Variants in CLU observed in about 807,000 individuals in gnomAD.
CLU encodes clusterin.
A neutral mutation model predicts 46.4 loss-of-function variants in CLU; 25 were observed. The ratio of observed to expected loss-of-function variants is 0.54; its 90% confidence interval spans 0.39 to 0.75. The LOEUF (loss-of-function observed/expected upper bound fraction) is 0.75. Among genes scored for constraint, CLU ranks in the 30% least tolerant of loss-of-function variants. The probability of loss-of-function intolerance (pLI) is 0.00; values close to 1 mark genes in which losing one functional copy is unlikely to be tolerated. For missense variants in CLU, 504 were observed against 592.1 expected (o/e 0.85, Z 1.54); for synonymous variants, 235 against 235.1 (o/e 1.00, Z 0.00).
chr8:27,607,581 T>A (rs1377496532), intron 3 of CLU, among the ~76,000 whole-genome samples: 4 of 152,058 alleles, frequency 2.6e-5, no homozygotes, highest in Non-Finnish European at 5.9e-5. Context: ...ATGTTAAAAA[T>A]TCATAATTTT....
At position 27,606,423 on chromosome 8, in the gene CLU, G is replaced by A; in HGVS notation, c.348C>T (p.Cys116=). Residue 116 remains cysteine, a synonymous_variant, in exon 4 of 9, where the codon TGC becomes TGT. Transcript: ENST00000316403. ...AGAACTTCATGCAGGTCTGTTTCAG[G>A]CAGGGCTTACACTCTTCCCAGAGGG... ...MMALWEECKP[C]LKQTCMKFYA... The A allele has an allele frequency of 1.2e-6, 2 of 1,614,234 alleles. No individual in the cohort carries two copies. Among genetic ancestry groups the A allele is most frequent in the South Asian group, 1.1e-5 (1 of 91,088 alleles).
chr8:27,611,972 A>G (rs967030764), intron 1 of CLU: 4 of 358,980 alleles, frequency 1.1e-5, no homozygotes, highest in African/African-American at 4.3e-5. Context: ...GAAAGCAACA[A>G]CTTCTGGAAA....
At chr8:27,598,675 T>C (rs1429446311) in intron 7 of CLU, 40 bp from the exon 8 acceptor site, 3 of 1,593,194 alleles carry the variant, frequency 1.9e-6, no homozygotes, top group Non-Finnish European at 2.6e-6. Flanking sequence ...TGAAACACTG[T>C]GGTCAAAATG....
intron 3 of CLU, chr8:27,608,664 T>C (rs1532277): frequency 0.65 from 368,555 of 564,874 alleles, 122,713 homozygotes; most frequent in African/African-American, 0.89. Flanking sequence ...GGAACTAGCA[T>C]GTGATCAGGG....
Position 27,610,528 on chromosome 8 carries a change from C to A in CLU, c.44G>T (p.Trp15Leu), listed in dbSNP as rs150750334. 4 of 1,614,138 alleles carry A rather than the reference C, an allele frequency of 2.5e-6. No individual in the cohort carries two copies. The African/African-American group carries it at 5.3e-5, about 22-fold the overall frequency. Residue 15 changes from tryptophan to leucine, a missense_variant, in exon 2 of 9, where the codon TGG becomes TTG. Around this residue, in one of 3 missense-constraint regions of CLU, gnomAD observed 73 missense variants for 91.2 expected, o/e 0.80. Transcript: ENST00000316403. ...GTCCCCCAGGACCTGCCCACTCTCCCAGGTCAGCAGCAGCCCCACAAACAG... is the reference window on the plus strand; with the variant it reads ...GTCCCCCAGGACCTGCCCACTCTCCAAGGTCAGCAGCAGCCCCACAAACAG... ...LLLFVGLLLT[W>L]ESGQVLGDQT...
At chr8:27,606,302 C>G in intron 4 of CLU, 52 bp downstream of exon 4, 26 of 1,593,206 alleles carry the variant, frequency 1.6e-5, no homozygotes, top group Non-Finnish European at 2.0e-5. Flanking sequence ...TTTCACTAGG[C>G]TCCCCTCCTT....
At chr8:27,611,031 G>A in intron 1 of CLU, 2 of 375,546 alleles carry the variant, frequency 5.3e-6, no homozygotes, top group Non-Finnish European at 1.1e-5. Context: ...CCTCCACAGA[G>A]GGACTGCATC....
chr8:27,599,762 G>A lies in CLU; in HGVS notation c.1164+18C>T. The stretch of plus-strand genomic sequence containing the variant: ...CTCGGGCTCCCGAGCCACAGCATGT[G>A]GCCGGGACACAGCTCACCGTGGTGA... On this transcript the variant is annotated intron_variant, in intron 7 of 8. Transcript: ENST00000316403. The surrounding 1 kb of genome is among the most constrained non-coding windows in gnomAD (Gnocchi z 4.0). The A allele has an allele frequency of 1.3e-6, 2 of 1,585,198 alleles. No homozygotes were observed. The highest frequency in any genetic ancestry group is 1.1e-5 in the South Asian group (1 of 88,540).
At chr8:27,608,848 T>C (rs1800869584) in intron 3 of CLU, 90 bp downstream of exon 3, 1 of 1,436,062 alleles carries the variant, frequency 7.0e-7, no homozygotes, top group Non-Finnish European at 9.8e-7. Context: ...CGGGTCACCA[T>C]GGCAACCCAG....
chr8:27,604,491 C>G (rs28541694), intron 5 of CLU, 96 bp from the exon 6 acceptor site: 241,565 of 1,033,606 alleles, frequency 0.23, 30,556 homozygotes, highest in Non-Finnish European at 0.27. Context: ...TTTTAATTTA[C>G]AGACAGGGTC....
At chr8:27,598,350 G>A (rs534510358) in intron 8 of CLU, 100 bp from the exon 9 acceptor site, 34 of 1,592,834 alleles carry the variant, frequency 2.1e-5, no homozygotes, top group African/African-American at 6.7e-5. Context: ...CTCTGGCTCC[G>A]GGCGGAGTCG....
rs1563385786 is a variant in CLU at position 27,604,380 on chromosome 8, CGGTCATCGTCGCCTTCTGGGGACACACG to C, written c.830-13_844del. On this transcript the variant is annotated splice_acceptor_variant and splice_polypyrimidine_tract_variant and coding_sequence_variant and intron_variant, in exon 6 of 9. Coordinates refer to ENST00000316403, the MANE Select transcript of CLU (RefSeq NM_001831.4). LOFTEE classifies it high-confidence loss of function. ...GTGGCGGATCTCCCGGCACACAGTCCGGTCATCGTCGCCTTCTGGGGACACACGAGGGAAGAAGAGTCAGTCATCCAGC... is the reference window on the plus strand; with the variant it reads ...GTGGCGGATCTCCCGGCACACAGTCCAGGGAAGAAGAGTCAGTCATCCAGC... 1 of 1,614,170 alleles carries C rather than the reference CGGTCATCGTCGCCTTCTGGGGACACACG, an allele frequency of 6.2e-7. No individual in the cohort carries two copies. Among genetic ancestry groups the C allele is most frequent in the East Asian group, 2.2e-5 (1 of 44,888 alleles).
At chr8:27,608,669 TC>T in intron 3 of CLU, 1 of 573,578 alleles carries the variant, frequency 1.7e-6, no homozygotes. Flanking sequence ...TAGCATGTGA[TC>T]AGGGCTTAGA....
intron 5 of CLU, 148 bp from the exon 6 acceptor site, chr8:27,604,543 G>A (rs543584549): frequency 5.3e-6 from 4 of 753,590 alleles, no homozygotes; most frequent in Admixed American, 4.1e-5. Flanking sequence ...TGCAATCATA[G>A]CTCACTGCAG....
intron 6 of CLU, among the ~76,000 whole-genome samples, chr8:27,603,959 C>T (rs1043148486): frequency 6.6e-6 from 1 of 152,208 alleles, no homozygotes; most frequent in African/African-American, 2.4e-5. Flanking sequence ...GCGCTTGGCG[C>T]TTGGGAACAG....
Position 27,599,770 on chromosome 8 carries a change from C to G in CLU, c.1164+10G>C. 6.3e-7 allele frequency: 1 copy of G among 1,597,104 alleles called. No individual in the cohort carries two copies. Among genetic ancestry groups the G allele is most frequent in the East Asian group, 2.3e-5 (1 of 44,124 alleles). ...CCCGAGCCACAGCATGTGGCCGGGA[C>G]ACAGCTCACCGTGGTGACCCGCAGA... On this transcript the variant is annotated intron_variant, in intron 7 of 8. Coordinates refer to ENST00000316403, the MANE Select transcript of CLU (RefSeq NM_001831.4). This position sits in a 1 kb window ranked among gnomAD's most constrained non-coding sequence, Gnocchi z 4.0.
chr8:27,607,649 G>A (rs1563387623), intron 3 of CLU, among the ~76,000 whole-genome samples: 1 of 151,676 alleles, frequency 6.6e-6, no homozygotes, highest in Non-Finnish European at 1.5e-5. Context: ...TAGATCAAAT[G>A]TTAACAGTGA....
chr8:27,613,180 A>G (rs1335405551), intron 1 of CLU, among the ~76,000 whole-genome samples: 1 of 152,176 alleles, frequency 6.6e-6, no homozygotes, highest in Non-Finnish European at 1.5e-5. Flanking sequence ...TGAGATCAGG[A>G]GTTCGAGACC....
intron 1 of CLU, 185 bp from the exon 2 acceptor site, chr8:27,610,785 G>A (rs1800912619): frequency 1.7e-6 from 1 of 584,914 alleles, no homozygotes; most frequent in Non-Finnish European, 3.1e-6. Flanking sequence ...CACCTCGAAT[G>A]AAAGCGAAGG....
Sources: gnomAD v4.1 joint callset for allele counts (sites outside exome capture counted in the v4.1 genomes callset) on GRCh38, gnomAD v4.1.1 for gene constraint, gnomAD v4.1.1 regional missense constraint, Gnocchi (gnomAD v3.1) non-coding constraint, MANE v1.5 for transcripts, NCBI Gene and HGNC (gene_info 2026-07-23, HGNC 2026-07-21) for gene names.